The following SLCO4C1 variants were observed in gnomAD, a reference collection of about 807,000 sequenced individuals.
SLCO4C1 encodes solute carrier organic anion transporter family member 4C1, also known as organic anion transporter M1.
In SLCO4C1, 58 loss-of-function variants were observed where a neutral mutation model predicts 72.1. The observed-to-expected ratio is 0.80, with a 90% CI of 0.65 to 1.00. SLCO4C1 has a LOEUF of 1.00. Ranked by LOEUF, SLCO4C1 falls within the 50% of genes least tolerant of loss-of-function variation. The pLI is 0.00. For missense variants in SLCO4C1, 898 were observed against 857.9 expected (o/e 1.05, Z -0.58); for synonymous variants, 297 against 312.5 (o/e 0.95, Z 0.52).
chr5:102,275,461 T>C (rs971961054), intron 2 of SLCO4C1, among the ~76,000 whole-genome samples: 1 of 152,152 alleles, frequency 6.6e-6, no homozygotes, highest in East Asian at 1.9e-4. Flanking sequence ...ATCACTATAC[T>C]GTAAAAGTAT....
At position 102,249,779 on chromosome 5, in the gene SLCO4C1, T is replaced by C; in HGVS notation, c.1479A>G (p.Glu493=). ...GVSESYNGTG[E]LGNLIAPCNA... is the part of the protein sequence containing the mutation. ...TACAAGGGGCTATCAAGTTTCCCAATTCTCCAGTCCTGTAAATAAGAAATG... is the reference window on the plus strand; with the variant it reads ...TACAAGGGGCTATCAAGTTTCCCAACTCTCCAGTCCTGTAAATAAGAAATG... Residue 493 remains glutamate (E), a synonymous_variant, in exon 9 of 13, where the codon GAA becomes GAG. Transcript: ENST00000310954. 1 of 1,613,504 alleles carries C rather than the reference T, an allele frequency of 6.2e-7. No homozygotes were observed.
At chr5:102,270,873 A>G in intron 2 of SLCO4C1, 67 bp from the exon 3 acceptor site, 2 of 1,232,142 alleles carry the variant, frequency 1.6e-6, no homozygotes, top group Non-Finnish European at 1.1e-6. Context: ...TATCATATAA[A>G]TTACACTTGC....
chr5:102,282,004 T>C (rs1036735174), intron 2 of SLCO4C1, among the ~76,000 whole-genome samples: 1 of 152,100 alleles, frequency 6.6e-6, no homozygotes, highest in Non-Finnish European at 1.5e-5. Flanking sequence ...ACAAACCAGA[T>C]GTTCTTTAAT....
chr5:102,279,890 CAAT>C (rs1461303907), intron 2 of SLCO4C1, among the ~76,000 whole-genome samples: 1 of 151,784 alleles, frequency 6.6e-6, no homozygotes. Context: ...CAACATTCAA[CAAT>C]GATTCCTGAT....
At chr5:102,295,780 C>A (rs998645762) in intron 1 of SLCO4C1, 128 bp downstream of exon 1, 2 of 943,138 alleles carry the variant, frequency 2.1e-6, no homozygotes, top group Admixed American at 2.9e-5. Context: ...AGTTCCAAAC[C>A]CGGGGCCACC....
chr5:102,249,070 G>A (rs1748687475), intron 9 of SLCO4C1, among the ~76,000 whole-genome samples: 1 of 152,154 alleles, frequency 6.6e-6, no homozygotes, highest in Non-Finnish European at 1.5e-5. Flanking sequence ...TATATAAACT[G>A]TACCTAGTGA....
At chr5:102,264,527 A>G (rs1019875331) in intron 3 of SLCO4C1, among the ~76,000 whole-genome samples, 1 of 152,020 alleles carries the variant, frequency 6.6e-6, no homozygotes. Context: ...TTTAGAGTGT[A>G]CATGGTTATG....
intron 2 of SLCO4C1, among the ~76,000 whole-genome samples, chr5:102,290,750 A>G (rs1749535614): frequency 1.3e-5 from 2 of 152,138 alleles, no homozygotes; most frequent in Admixed American, 1.3e-4. Flanking sequence ...GCTCTACTAT[A>G]TTTGTTTTTT....
intron 2 of SLCO4C1, among the ~76,000 whole-genome samples, chr5:102,273,394 C>T (rs1354723768): frequency 6.6e-6 from 1 of 152,100 alleles, no homozygotes; most frequent in Non-Finnish European, 1.5e-5. Context: ...AAAATATTCC[C>T]TTGTAAAGTC....
At chr5:102,274,704 T>C (rs1237762420) in intron 2 of SLCO4C1, among the ~76,000 whole-genome samples, 3 of 152,170 alleles carry the variant, frequency 2.0e-5, no homozygotes, top group Non-Finnish European at 2.9e-5. Flanking sequence ...GTCTCCCCAG[T>C]TACCTGCATC....
intron 10 of SLCO4C1, among the ~76,000 whole-genome samples, chr5:102,241,501 A>G (rs568409406): frequency 2.4e-4 from 36 of 152,268 alleles, no homozygotes; most frequent in African/African-American, 8.7e-4. Flanking sequence ...AATTTACAAT[A>G]GCATTGAAAA....
At chr5:102,253,171 T>C (rs1748773041) in intron 8 of SLCO4C1, among the ~76,000 whole-genome samples, 1 of 152,162 alleles carries the variant, frequency 6.6e-6, no homozygotes, top group South Asian at 2.1e-4. Context: ...AAGTAAAACA[T>C]GAATCATCAT....
Position 102,236,093 on chromosome 5 carries a change from G to T in SLCO4C1, c.*765C>A, listed in dbSNP as rs1023451026. On this transcript the variant is annotated 3_prime_UTR_variant, in exon 13 of 13. Transcript: ENST00000310954. The stretch of plus-strand genomic sequence containing the variant: ...ACTTTCCTCTGAAATATATGCAATT[G>T]AATAATATTATCACAGAATCATAAA... 5.3e-5 allele frequency: 8 copies of T among 152,070 alleles called. No homozygotes were observed. The highest frequency in any genetic ancestry group is 3.3e-4 in the Admixed American group (5 of 15,254). The allele number at this position is 152,070 out of a possible 1,614,324, so 9.4% of individuals were successfully genotyped here. A position where few individuals can be genotyped will look rare whatever the true frequency, so the allele number is the denominator to read the frequency against.
intron 9 of SLCO4C1, 129 bp downstream of exon 9, chr5:102,249,509 T>A: frequency 1.1e-6 from 1 of 876,450 alleles, no homozygotes; most frequent in Non-Finnish European, 1.8e-6. Context: ...GCTGGAGACA[T>A]CATGGGCTGC....
chr5:102,250,229 A>C (rs577822544), intron 8 of SLCO4C1, among the ~76,000 whole-genome samples: 12 of 152,186 alleles, frequency 7.9e-5, no homozygotes, highest in Non-Finnish European at 1.6e-4. Flanking sequence ...AAGGATGAAC[A>C]AAATCATGCT....
At chr5:102,255,283 G>T (rs1424995951) in intron 8 of SLCO4C1, among the ~76,000 whole-genome samples, 2 of 152,018 alleles carry the variant, frequency 1.3e-5, no homozygotes, top group Non-Finnish European at 2.9e-5. Flanking sequence ...CTTCCTTTCT[G>T]ATTACACACC....
intron 10 of SLCO4C1, among the ~76,000 whole-genome samples, chr5:102,242,358 G>A (rs921829417): frequency 6.6e-6 from 1 of 152,202 alleles, no homozygotes; most frequent in Admixed American, 6.5e-5. Context: ...TGAGACAACA[G>A]CTGGGACAGA....
At position 102,267,772 on chromosome 5, in the gene SLCO4C1, G is replaced by C. The variant is rs114262636; in HGVS notation, c.802+2852C>G. The stretch of plus-strand genomic sequence containing the variant: ...TGGTATAAAATTCCCTGTTAGCATT[G>C]CTTTTGCTGTACCTCATAAGATTTG... On this transcript the variant is annotated intron_variant, in intron 3 of 12. Coordinates refer to ENST00000310954, the MANE Select transcript of SLCO4C1 (RefSeq NM_180991.5). 4.4e-3 allele frequency among the ~76,000 whole-genome samples: 672 copies of C among 151,832 alleles called. 12 individuals carry two copies. The highest frequency in any genetic ancestry group is 0.016 in the African/African-American group (644 of 41,464).
intron 10 of SLCO4C1, among the ~76,000 whole-genome samples, chr5:102,241,908 C>T (rs1455831338): frequency 6.6e-6 from 1 of 151,948 alleles, no homozygotes; most frequent in African/African-American, 2.4e-5. Context: ...ACTTATAATA[C>T]CTGGTTTGAA....
Sources: allele counts gnomAD v4.1 joint callset (sites outside exome capture counted in the v4.1 genomes callset), GRCh38; gene constraint gnomAD v4.1.1; transcripts MANE v1.5; gene names NCBI Gene and HGNC (gene_info 2026-07-23, HGNC 2026-07-21).